CHD4: variants seen among roughly 807,000 people sequenced by gnomAD.
CHD4 encodes chromodomain helicase DNA binding protein 4, also known as ATP-dependent chromatin remodeler CHD4.
Under a neutral mutation model 235.5 loss-of-function variants are expected in CHD4, and 35 were observed. The ratio of observed to expected loss-of-function variants is 0.15; its 90% CI spans 0.11 to 0.20. The LOEUF is 0.20. CHD4 is among the 10% of genes least tolerant of loss of function. CHD4 has a pLI of 1.00. For synonymous variants in CHD4, 900 were observed against 850.2 expected (o/e 1.06, Z -1.02); for missense variants, 1,329 against 2,432.3 (o/e 0.55, Z 9.54).
Position 6,574,866 on chromosome 12 carries a change from C to T in CHD4, c.5362-1597G>A, listed in dbSNP as rs759042451. Among the ~76,000 whole-genome samples the T allele has an allele frequency of 8.5e-5, 13 of 152,362 alleles. No homozygotes were observed. The South Asian group carries it at 1.2e-3, about 15-fold the overall frequency. On this transcript the variant is annotated intron_variant, in intron 37 of 39. Coordinates refer to ENST00000544040, the MANE Select transcript of CHD4 (RefSeq NM_001273.5). Reference sequence around the variant, plus strand: ...CAGTAAGTCAGGAGTTGGCAAGCTACAGCCTGTGGGCCAGATCTGCCCCAC... The same window carrying T: ...CAGTAAGTCAGGAGTTGGCAAGCTATAGCCTGTGGGCCAGATCTGCCCCAC...
At chr12:6,586,034 A>G (rs909534974) in intron 25 of CHD4, among the ~76,000 whole-genome samples, 3 of 151,820 alleles carry the variant, frequency 2.0e-5, no homozygotes, top group Admixed American at 6.6e-5. Context: ...CAGGAAGTGG[A>G]GGTTGCAGTA....
At chr12:6,603,889 G>A (rs1948642106) in intron 2 of CHD4, among the ~76,000 whole-genome samples, 1 of 152,144 alleles carries the variant, frequency 6.6e-6, no homozygotes, top group Non-Finnish European at 1.5e-5. Flanking sequence ...AGAAGTCTCT[G>A]AAGCTCAGCT....
In CHD4 at chr12:6,581,638, G is replaced by A. The variant is rs773553565; in HGVS notation, c.4681+11C>T. 1 of 1,613,876 alleles carries A rather than the reference G, an allele frequency of 6.2e-7. No homozygotes were observed. The highest frequency in any genetic ancestry group is 8.5e-7 in the Non-Finnish European group (1 of 1,179,880). On this transcript the variant is annotated intron_variant, in intron 31 of 39. Transcript: ENST00000544040. ...GAGAGGGACAGAAAATGATAGGACA[G>A]GCAGACTTACCAGCAGGTGGGACAG...
At chr12:6,573,587 A>C (rs763025549) in intron 37 of CHD4, among the ~76,000 whole-genome samples, 1 of 152,168 alleles carries the variant, frequency 6.6e-6, no homozygotes, top group Non-Finnish European at 1.5e-5. Flanking sequence ...ATACATCCTG[A>C]TATTTTTCTT....
intron 14 of CHD4, among the ~76,000 whole-genome samples, chr12:6,594,933 C>A (rs1307605531): frequency 2.0e-5 from 3 of 152,140 alleles, no homozygotes. Context: ...CAGGATCCAC[C>A]AGGTAAATAA....
Position 6,601,049 on chromosome 12 carries a change from G to A in CHD4, c.804C>T (p.Pro268=), listed in dbSNP as rs142952449. Reference sequence around the variant, plus strand: ...TGCCCTTGGGCTTCCTCCGAGCATTGGGACCTAAAATCAGGATATATCCAA... The same window carrying A: ...TGCCCTTGGGCTTCCTCCGAGCATTAGGACCTAAAATCAGGATATATCCAA... ...RKAKTKEGKG[P]NARRKPKGSP... is the part of the protein sequence containing the mutation. Residue 268 remains proline, a synonymous_variant, in exon 7 of 40, where the codon CCC becomes CCT. Transcript: ENST00000544040. The A allele has an allele frequency of 4.5e-6, 7 of 1,569,584 alleles. No individual in the cohort carries two copies. Among genetic ancestry groups the A allele is most frequent in the African/African-American group, 1.4e-5 (1 of 72,496 alleles).
At chr12:6,576,619 C>G (rs1466165027) in intron 37 of CHD4, among the ~76,000 whole-genome samples, 1 of 152,026 alleles carries the variant, frequency 6.6e-6, no homozygotes, top group African/African-American at 2.4e-5. Context: ...CTTTTCTTGT[C>G]TTTTTTGAGG....
intron 25 of CHD4, among the ~76,000 whole-genome samples, chr12:6,585,138 A>C (rs11064265): frequency 0.031 from 4,646 of 152,284 alleles, 265 homozygotes; most frequent in East Asian, 0.26. Flanking sequence ...GGACAAGAAA[A>C]AGGAAATTTT....
At position 6,578,924 on chromosome 12, in the gene CHD4, G is replaced by A. The variant is rs748033659; in HGVS notation, c.4910-7C>T. 1.2e-6 allele frequency: 2 copies of A among 1,613,482 alleles called. No individual in the cohort carries two copies. The highest frequency in any genetic ancestry group is 1.7e-5 in the Admixed American group (1 of 60,018). Reference sequence around the variant, plus strand: ...TTCTCTACATCAGCAGCACCTAGGGGAAGAAATGTTATTGAGACTATACCT... The same window carrying A: ...TTCTCTACATCAGCAGCACCTAGGGAAAGAAATGTTATTGAGACTATACCT... On this transcript the variant is annotated splice_polypyrimidine_tract_variant and splice_region_variant and intron_variant, in intron 33 of 39. Transcript: ENST00000544040.
At chr12:6,579,872 C>T (rs1437902210) in intron 33 of CHD4, among the ~76,000 whole-genome samples, 1 of 151,250 alleles carries the variant, frequency 6.6e-6, no homozygotes, top group Non-Finnish European at 1.5e-5. Flanking sequence ...CTAGCTAACA[C>T]GGTGAAACCC....
chr12:6,577,596 A>G, intron 37 of CHD4, 189 bp downstream of exon 37: 1 of 689,984 alleles, frequency 1.4e-6, no homozygotes. Flanking sequence ...CCTACAGCTC[A>G]TGTACAGTTA....
intron 37 of CHD4, among the ~76,000 whole-genome samples, chr12:6,574,669 G>C (rs545875774): frequency 6.6e-6 from 1 of 152,318 alleles, no homozygotes; most frequent in South Asian, 2.1e-4. Flanking sequence ...GGTGATGGGG[G>C]TCGGTAGTGG....
chr12:6,589,224 A>ATTAT (rs1948350960), intron 22 of CHD4, among the ~76,000 whole-genome samples: 1 of 152,160 alleles, frequency 6.6e-6, no homozygotes, highest in Non-Finnish European at 1.5e-5. Flanking sequence ...CATTAGGCAA[A>ATTAT]CACCACAGTA....
Position 6,600,325 on chromosome 12 carries a change from T to A in CHD4, c.1134A>T (p.Gln378His), listed in dbSNP as rs1184340091. The A allele has an allele frequency of 1.9e-6, 3 of 1,614,010 alleles. No homozygotes were observed. The highest frequency in any genetic ancestry group is 2.5e-6 in the Non-Finnish European group (3 of 1,180,036). The part of the protein sequence containing the change: ...DHQDYCEVCQ[Q>H]GGEIILCDTC... The stretch of plus-strand genomic sequence containing the variant: ...TATCACACAGGATGATCTCACCGCC[T>A]TGCTGGCACACCTCGCAATAGTCCT... Residue 378 changes from glutamine (Q) to histidine (H), a missense_variant, in exon 9 of 40, where the codon CAA (glutamine) becomes CAT (histidine). Coordinates refer to ENST00000544040, the MANE Select transcript of CHD4 (RefSeq NM_001273.5).
chr12:6,581,092 C>A lies in CHD4; in HGVS notation c.4861G>T (p.Ala1621Ser). Residue 1621 changes from alanine (A) to serine (S), a missense_variant, in exon 33 of 40, where the codon GCA (alanine) becomes TCA (serine). Coordinates refer to ENST00000544040, the MANE Select transcript of CHD4 (RefSeq NM_001273.5). ...PPEGEEKVEK[A>S]EVKERTEEPM... ...TCCTCTGTTCTCTCCTTCACCTCTG[C>A]CTTTTCCACTTTCTCCTCTCCCTCA... 6.2e-7 allele frequency: 1 copy of A among 1,614,202 alleles called. No homozygotes were observed. Among genetic ancestry groups the A allele is most frequent in the Non-Finnish European group, 8.5e-7 (1 of 1,180,036 alleles).
rs562451480 is a variant in CHD4 at position 6,590,773 on chromosome 12, A to G, written c.3340+693T>C. Among the ~76,000 whole-genome samples the G allele has an allele frequency of 5.9e-5, 9 of 152,284 alleles. No homozygotes were observed. In the East Asian group the frequency reaches 1.7e-3, roughly 29 times the overall value. On this transcript the variant is annotated intron_variant, in intron 22 of 39. Transcript: ENST00000544040. ...GGGTGTGTCCAGGCTGTAGTAAGCC[A>G]TGATTGTGCCACTGCTCTCCAGCCT...
intron 27 of CHD4, 27 bp from the exon 28 acceptor site, chr12:6,582,963 GAC>G (rs768352551): frequency 6.2e-7 from 1 of 1,611,868 alleles, no homozygotes; most frequent in Non-Finnish European, 8.5e-7. Context: ...ATGAATGAGT[GAC>G]ACAGGTAGGA....
intron 12 of CHD4, among the ~76,000 whole-genome samples, chr12:6,596,905 G>A (rs977160765): frequency 1.3e-5 from 2 of 151,578 alleles, no homozygotes; most frequent in Non-Finnish European, 2.9e-5. Context: ...GTTGCAGTGA[G>A]CTTAGATCAT....
Position 6,598,096 on chromosome 12 carries a change from C to T in CHD4, c.1690G>A (p.Glu564Lys). The T allele has an allele frequency of 6.2e-7, 1 of 1,614,184 alleles. No homozygotes were observed. Among genetic ancestry groups the T allele is most frequent in the Non-Finnish European group, 8.5e-7 (1 of 1,180,026 alleles). The change falls in exon 12 of 40, where the codon GAG becomes AAG. Residue 564 changes from glutamate to lysine, a missense_variant. By Grantham distance (56) the Glu-to-Lys change is moderately conservative. Around this residue, in one of 26 missense-constraint regions of CHD4, gnomAD observed 8 missense variants for 41.3 expected, o/e 0.19. Coordinates refer to ENST00000544040, the MANE Select transcript of CHD4 (RefSeq NM_001273.5). ...HCSWVSELQL[E>K]LHCQVMFRNY... ...CGGAACATCACCTGACAGTGCAGCT[C>T]CAGCTTTGAGCGGAAAGAGAAAATC...
Sources: allele counts gnomAD v4.1 joint callset (sites outside exome capture counted in the v4.1 genomes callset), GRCh38; gene constraint gnomAD v4.1.1; regional missense constraint gnomAD v4.1.1; transcripts MANE v1.5; gene names NCBI Gene and HGNC (gene_info 2026-07-23, HGNC 2026-07-21).